CENPI: variants seen among roughly 807,000 people sequenced by gnomAD.
CENPI encodes FSH primary response 1.
Under a neutral mutation model 60.4 loss-of-function variants are expected in CENPI, and 4 were observed. The observed-to-expected ratio is 0.07, with a 90% CI of 0.03 to 0.15. The LOEUF is 0.15. Among genes scored for constraint, CENPI ranks in the 10% least tolerant of loss-of-function variants. The pLI, the probability that CENPI is intolerant of heterozygous loss-of-function variation, is 1.00. For missense variants in CENPI, 444 were observed against 534.5 expected (o/e 0.83, Z 1.67); for synonymous variants, 157 against 189.4 (o/e 0.83, Z 1.40).
At position 101,165,486 on chromosome X, in the gene CENPI, C is replaced by A. The variant is rs2090140667; in HGVS notation, c.*2519C>A. Among the ~76,000 whole-genome samples, 2 of 111,791 alleles carry A rather than the reference C, an allele frequency of 1.8e-5. No homozygotes were observed. ...TTTTGACCTGTCAATTGGGTGAACT[C>A]TGAGATTAAATTCTGTTTTGGCTAT... On this transcript the variant is annotated 3_prime_UTR_variant, in exon 22 of 22. Coordinates refer to ENST00000682095, the MANE Select transcript of CENPI (RefSeq NM_001386188.2).
chrX:101,180,419 G>A, the CENPI span, among the ~76,000 whole-genome samples: 2 of 112,108 alleles, frequency 1.8e-5, no homozygotes, highest in Non-Finnish European at 3.8e-5. Flanking sequence ...TTACAGGCAT[G>A]AGCAACCACA....
At chrX:101,139,679 T>G (rs2148218499) in intron 15 of CENPI, among the ~76,000 whole-genome samples, 1 of 111,627 alleles carries the variant, frequency 9.0e-6, no homozygotes, top group East Asian at 2.8e-4. Context: ...ACTCAAATGA[T>G]TAGTAGACCA....
chrX:101,117,289 C>G (rs1470164764), intron 6 of CENPI, among the ~76,000 whole-genome samples: 1 of 111,757 alleles, frequency 8.9e-6, no homozygotes, highest in African/African-American at 3.3e-5. Flanking sequence ...CAACCTCTGC[C>G]TCCTGGGTTT....
intron 6 of CENPI, among the ~76,000 whole-genome samples, chrX:101,111,202 A>G (rs907915356): frequency 1.7e-4 from 19 of 110,902 alleles, no homozygotes; most frequent in African/African-American, 5.9e-4. Flanking sequence ...AGTTCCCAAC[A>G]ATGTGAATTA....
At chrX:101,160,375 CTTT>C (rs763855508) in intron 20 of CENPI, among the ~76,000 whole-genome samples, 3,162 of 81,330 alleles carry the variant, frequency 0.039, 76 homozygotes, top group Middle Eastern at 0.1. Flanking sequence ...GCTTTTAGTT[CTTT>C]TTTTTTTTTT....
intron 7 of CENPI, 24 bp downstream of exon 7, chrX:101,120,474 AT>A: frequency 2.5e-6 from 2 of 808,484 alleles, no homozygotes; most frequent in Non-Finnish European, 3.7e-6. Context: ...TTACAGTTGT[AT>A]TATACTTTGT....
At chrX:101,142,579 G>C (rs139388035) in intron 16 of CENPI, among the ~76,000 whole-genome samples, 1,739 of 110,810 alleles carry the variant, frequency 0.016, 45 homozygotes, top group African/African-American at 0.054. Context: ...ACAGCGACTG[G>C]GAAGAGGTTG....
intron 18 of CENPI, among the ~76,000 whole-genome samples, chrX:101,147,420 T>A (rs1272421917): frequency 3.6e-5 from 4 of 110,064 alleles, no homozygotes; most frequent in Non-Finnish European, 7.6e-5. Flanking sequence ...GTGTGTGATG[T>A]TCTCCTCCCT....
intron 20 of CENPI, among the ~76,000 whole-genome samples, chrX:101,153,440 A>G (rs2090025758): frequency 9.2e-6 from 1 of 109,064 alleles, no homozygotes; most frequent in Non-Finnish European, 1.9e-5. Flanking sequence ...TGGGACTACA[A>G]GCGCACGCCA....
chrX:101,114,353 G>T (rs932739126), intron 6 of CENPI, among the ~76,000 whole-genome samples: 9 of 111,824 alleles, frequency 8.0e-5, no homozygotes, highest in African/African-American at 2.9e-4. Flanking sequence ...TCAATTTGCT[G>T]ATTTTAAGTA....
chrX:101,168,829 G>T (rs1372958113), downstream of CENPI, among the ~76,000 whole-genome samples: 1 of 111,868 alleles, frequency 8.9e-6, no homozygotes, highest in Non-Finnish European at 1.9e-5. Context: ...GGAGTAGAGA[G>T]TATCGTTATC....
At chrX:101,133,598 C>T (rs1038905925) in intron 15 of CENPI, among the ~76,000 whole-genome samples, 18 of 109,634 alleles carry the variant, frequency 1.6e-4, no homozygotes, top group African/African-American at 5.0e-4. Context: ...AAACAGAACT[C>T]GGGAATGCAC....
At chrX:101,148,723 C>CTCCATG (rs2089982215) in intron 20 of CENPI, among the ~76,000 whole-genome samples, 1 of 111,591 alleles carries the variant, frequency 9.0e-6, no homozygotes, top group Admixed American at 9.6e-5. Flanking sequence ...TGGAGAAGAA[C>CTCCATG]TCAAATGGTG....
intron 12 of CENPI, 117 bp downstream of exon 12, chrX:101,128,953 A>C: frequency 1.7e-6 from 1 of 589,255 alleles, no homozygotes; most frequent in East Asian, 3.5e-5. Context: ...TGGTAATCTT[A>C]TATTTAGAGC....
At chrX:101,115,401 T>C (rs182662134) in intron 6 of CENPI, among the ~76,000 whole-genome samples, 1 of 110,365 alleles carries the variant, frequency 9.1e-6, no homozygotes, top group East Asian at 2.8e-4. Flanking sequence ...AGCGAGACTC[T>C]GTCTCAAAAA....
chrX:101,175,684 A>C, the CENPI span, among the ~76,000 whole-genome samples: 1 of 111,734 alleles, frequency 8.9e-6, no homozygotes, highest in East Asian at 2.8e-4. Context: ...TAATATTTGT[A>C]CATACTTATG....
intron 21 of CENPI, 84 bp from the exon 22 acceptor site, chrX:101,162,749 A>G (rs2090122705): frequency 1.9e-6 from 2 of 1,075,200 alleles, no homozygotes; most frequent in Admixed American, 4.6e-5. Context: ...GATGCTGCAA[A>G]CTCTTCCTAG....
At chrX:101,120,577 G>T (rs2089666635) in intron 7 of CENPI, 127 bp downstream of exon 7, 1 of 604,638 alleles carries the variant, frequency 1.7e-6, no homozygotes, top group African/African-American at 2.3e-5. Flanking sequence ...TTGCTTTTTA[G>T]TACTTTAAGA....
chrX:101,177,826 G>A, the CENPI span, among the ~76,000 whole-genome samples: 1 of 112,232 alleles, frequency 8.9e-6, no homozygotes, highest in African/African-American at 3.2e-5. Context: ...GGCACAGTGA[G>A]CTGCGATGGT....
Sources: gnomAD v4.1 joint callset for allele counts (sites outside exome capture counted in the v4.1 genomes callset) on GRCh38, gnomAD v4.1.1 for gene constraint, MANE v1.5 for transcripts, NCBI Gene and HGNC (gene_info 2026-07-23, HGNC 2026-07-21) for gene names.